CNTNAP5: variants seen among roughly 807,000 people sequenced by gnomAD.
CNTNAP5 encodes the protein contactin associated protein family member 5, also known as contactin-associated protein-like 5.
In CNTNAP5, 72 loss-of-function variants were observed where a neutral mutation model predicts 150.2. That is an observed-to-expected ratio of 0.48 (90% CI 0.40 to 0.58). The LOEUF (loss-of-function observed/expected upper bound fraction) is 0.58, where lower values mean the gene tolerates loss of function less well. CNTNAP5 is among the 20% of genes least tolerant of loss of function. The pLI, the probability that CNTNAP5 is intolerant of heterozygous loss-of-function variation, is 0.00. For missense variants in CNTNAP5, 1,636 were observed against 1,626.2 expected, an observed-to-expected ratio of 1.01 and a Z score of -0.10; for synonymous variants, 672 against 619.8, an observed-to-expected ratio of 1.08 and a Z score of -1.25.
In CNTNAP5 at chr2:124,417,576, A is replaced by G. The variant is rs2104777097; in HGVS notation, c.515A>G (p.Tyr172Cys). 6.2e-7 allele frequency: 1 copy of G among 1,613,402 alleles called. No individual in the cohort carries two copies. The highest frequency in any genetic ancestry group is 1.6e-4 in the Middle Eastern group (1 of 6,062). Residue 172 changes from tyrosine to cysteine, a missense_variant, in exon 4 of 24, where the codon TAC becomes TGC. Transcript: ENST00000682447. ...SGKIGMRVEV[Y>C]GCSYKSDVAD... is the part of the protein sequence containing the mutation. ...AAGATTGGCATGAGAGTCGAGGTCTACGGATGTTCCTATAGTAAGTACTCA... is the reference window on the plus strand; with the variant it reads ...AAGATTGGCATGAGAGTCGAGGTCTGCGGATGTTCCTATAGTAAGTACTCA...
chr2:124,283,402 A>G (rs1688065139), intron 3 of CNTNAP5, among the ~76,000 whole-genome samples: 1 of 152,178 alleles, frequency 6.6e-6, no homozygotes, highest in Non-Finnish European at 1.5e-5. Flanking sequence ...ATCTGACCCT[A>G]GCATCTGCTG....
At chr2:124,597,347 A>G (rs2104967817) in intron 11 of CNTNAP5, among the ~76,000 whole-genome samples, 1 of 150,082 alleles carries the variant, frequency 6.7e-6, no homozygotes, top group East Asian at 2.0e-4. Flanking sequence ...GGTGGTGACA[A>G]AATCTCTCAG....
intron 3 of CNTNAP5, among the ~76,000 whole-genome samples, chr2:124,273,712 A>G (rs555296591): frequency 1.3e-5 from 2 of 152,320 alleles, no homozygotes; most frequent in South Asian, 2.1e-4. Context: ...GGTCTCCCCA[A>G]CAAAGTCCAG....
intron 1 of CNTNAP5, among the ~76,000 whole-genome samples, chr2:124,172,094 T>C (rs1684947584): frequency 6.6e-6 from 1 of 152,246 alleles, no homozygotes. Flanking sequence ...ATATTTAAAA[T>C]AAATTATGTA....
intron 12 of CNTNAP5, among the ~76,000 whole-genome samples, chr2:124,636,611 G>A (rs1452335428): frequency 6.6e-6 from 1 of 151,742 alleles, no homozygotes; most frequent in East Asian, 1.9e-4. Flanking sequence ...TAGCTTTCTG[G>A]TCATTATTTT....
intron 19 of CNTNAP5, among the ~76,000 whole-genome samples, chr2:124,838,717 G>C (rs78689033): frequency 0.013 from 1,951 of 152,208 alleles, 47 homozygotes; most frequent in African/African-American, 0.044. Flanking sequence ...ATTTGCTGCT[G>C]TTGGTTTGCC....
chr2:124,359,525 A>G (rs1464036496), intron 3 of CNTNAP5, among the ~76,000 whole-genome samples: 1 of 150,476 alleles, frequency 6.6e-6, no homozygotes, highest in East Asian at 2.0e-4. Flanking sequence ...CGTTGGTTTC[A>G]AAGAACATCT....
chr2:124,603,541 G>C (rs2047874), intron 11 of CNTNAP5, among the ~76,000 whole-genome samples: 84,046 of 151,978 alleles, frequency 0.55, 23,815 homozygotes, highest in Non-Finnish European at 0.59. Flanking sequence ...CATTACTAAA[G>C]GATGATTTTC....
At chr2:124,745,289 G>A (rs897840781) in intron 13 of CNTNAP5, among the ~76,000 whole-genome samples, 1 of 152,154 alleles carries the variant, frequency 6.6e-6, no homozygotes, top group Non-Finnish European at 1.5e-5. Flanking sequence ...CTTGCTCATT[G>A]GATTTGACTG....
intron 19 of CNTNAP5, among the ~76,000 whole-genome samples, chr2:124,817,192 A>G (rs1440494429): frequency 6.6e-6 from 1 of 152,240 alleles, no homozygotes; most frequent in African/African-American, 2.4e-5. Flanking sequence ...TTCATTTTAT[A>G]TAAATTTTTA....
chr2:124,270,965 G>A (rs972061778), intron 3 of CNTNAP5, among the ~76,000 whole-genome samples: 1 of 152,056 alleles, frequency 6.6e-6, no homozygotes, highest in Non-Finnish European at 1.5e-5. Flanking sequence ...CTGACTGCTG[G>A]ACTGTGGCAA....
chr2:124,491,219 C>T (rs1286193137), intron 7 of CNTNAP5, among the ~76,000 whole-genome samples: 1 of 152,060 alleles, frequency 6.6e-6, no homozygotes, highest in East Asian at 1.9e-4. Flanking sequence ...CTCTCCATTT[C>T]TCTTACCCTC....
intron 3 of CNTNAP5, among the ~76,000 whole-genome samples, chr2:124,412,282 G>A (rs372095186): frequency 3.3e-5 from 5 of 150,132 alleles, no homozygotes; most frequent in South Asian, 2.1e-4. Context: ...AAGAATCAAT[G>A]TCATGAAAAT....
chr2:124,641,163 C>T (rs981845149), intron 12 of CNTNAP5, among the ~76,000 whole-genome samples: 2 of 148,752 alleles, frequency 1.3e-5, no homozygotes, highest in South Asian at 2.1e-4. Context: ...AAAAAAAGGA[C>T]GGAGGAGCAC....
chr2:124,211,694 C>T (rs1486660091), intron 1 of CNTNAP5, among the ~76,000 whole-genome samples: 3 of 152,234 alleles, frequency 2.0e-5, no homozygotes, highest in Non-Finnish European at 2.9e-5. Context: ...TGGCATTGAC[C>T]CCATTGGTTG....
intron 13 of CNTNAP5, among the ~76,000 whole-genome samples, chr2:124,704,954 A>G (rs1056991069): frequency 1.3e-5 from 2 of 152,102 alleles, no homozygotes; most frequent in Non-Finnish European, 1.5e-5. Context: ...GTGCTCATGG[A>G]GACACTCCTA....
chr2:124,443,706 T>C (rs892805815), intron 5 of CNTNAP5, among the ~76,000 whole-genome samples: 5 of 152,048 alleles, frequency 3.3e-5, no homozygotes, highest in Non-Finnish European at 5.9e-5. Flanking sequence ...AATATTTTAT[T>C]TTAATCATTG....
At chr2:124,338,280 A>G (rs1338595533) in intron 3 of CNTNAP5, among the ~76,000 whole-genome samples, 2 of 152,046 alleles carry the variant, frequency 1.3e-5, no homozygotes, top group African/African-American at 4.8e-5. Context: ...AGACGATGGC[A>G]TTTTCTAGAT....
At chr2:124,030,265 G>A (rs1348508911) in intron 1 of CNTNAP5, among the ~76,000 whole-genome samples, 1 of 152,208 alleles carries the variant, frequency 6.6e-6, no homozygotes, top group African/African-American at 2.4e-5. Flanking sequence ...TAACAATATA[G>A]TAGGGTTTTA....
Sources: gnomAD v4.1 joint callset for allele counts (sites outside exome capture counted in the v4.1 genomes callset) on GRCh38, gnomAD v4.1.1 for gene constraint, MANE v1.5 for transcripts, NCBI Gene and HGNC (gene_info 2026-07-23, HGNC 2026-07-21) for gene names.